The following TENM2 variants were observed in gnomAD, a reference collection of about 807,000 sequenced individuals.
The protein encoded by TENM2 is teneurin-2.
A neutral mutation model predicts 245.2 loss-of-function variants in TENM2; 52 were observed. That is an observed-to-expected ratio of 0.21 (90% CI 0.17 to 0.27). The LOEUF (loss-of-function observed/expected upper bound fraction) is 0.27. TENM2 is among the 10% of genes least tolerant of loss of function. TENM2 has a pLI of 1.00. For missense variants in TENM2, 3,046 were observed against 3,666.8 expected (o/e 0.83, Z 4.37); for synonymous variants, 1,363 against 1,438.9 (o/e 0.95, Z 1.19).
chr5:167,924,969 CTGTT>C (rs1269932017), intron 3 of TENM2, among the ~76,000 whole-genome samples: 4 of 152,142 alleles, frequency 2.6e-5, no homozygotes, highest in Admixed American at 1.3e-4. Context: ...TTTTGGAAAA[CTGTT>C]TGACATTCTC....
At chr5:168,086,998 C>G (rs887868893) in intron 7 of TENM2, among the ~76,000 whole-genome samples, 2 of 152,228 alleles carry the variant, frequency 1.3e-5, no homozygotes, top group Non-Finnish European at 2.9e-5. Context: ...TCACTGGCCC[C>G]CAGTCTCCCT....
At position 168,238,185 on chromosome 5, in the gene TENM2, G is replaced by GA. The variant is rs1562320610; in HGVS notation, c.5521-6235_5521-6234insA. 3.2e-3 allele frequency among the ~76,000 whole-genome samples: 135 copies of GA among 42,218 alleles called. 15 individuals carry two copies. In the African/African-American group the frequency reaches 0.048, roughly 15 times the overall value. The allele number at this position is 42,218 out of a possible 152,430, so 27.7% of individuals were successfully genotyped here. On this transcript the variant is annotated intron_variant, in intron 25 of 28. Transcript: ENST00000518659. ...AGAGAGAGAGAGAGAGAGAGAGAGA[G>GA]GGAGGGAGGGAGGGAGGGAGGGAGG...
chr5:168,023,352 G>A (rs992582895), intron 5 of TENM2, among the ~76,000 whole-genome samples: 5 of 152,166 alleles, frequency 3.3e-5, no homozygotes, highest in South Asian at 2.1e-4. Context: ...TTTCCAGGCC[G>A]CGGACTAGCA....
At chr5:167,448,581 T>C (rs1319469800) in intron 2 of TENM2, among the ~76,000 whole-genome samples, 1 of 150,500 alleles carries the variant, frequency 6.6e-6, no homozygotes, top group Non-Finnish European at 1.5e-5. Flanking sequence ...TTCAGCTTTT[T>C]GTTAGATAAA....
chr5:167,291,141 T>C (rs1561839667), intron 1 of TENM2, among the ~76,000 whole-genome samples: 1 of 152,324 alleles, frequency 6.6e-6, no homozygotes, highest in African/African-American at 2.4e-5. Flanking sequence ...TATTTAACTT[T>C]CTTTGAATTA....
the TENM2 span, among the ~76,000 whole-genome samples, chr5:167,234,011 G>C: frequency 1.0e-4 from 15 of 146,582 alleles, no homozygotes; most frequent in South Asian, 3.2e-3. Flanking sequence ...ACAATGCCCA[G>C]ATGCTTTCCA....
chr5:167,027,538 G>A, the TENM2 span, among the ~76,000 whole-genome samples: 5 of 152,042 alleles, frequency 3.3e-5, no homozygotes, highest in East Asian at 7.7e-4. Context: ...GGAAAATTTG[G>A]AAAATTATGC....
chr5:167,908,683 C>CA (rs900594205), intron 3 of TENM2, among the ~76,000 whole-genome samples: 2 of 141,248 alleles, frequency 1.4e-5, no homozygotes, highest in Non-Finnish European at 3.0e-5. Flanking sequence ...CTTTTTCTCT[C>CA]TCCCTCTCTG....
intron 1 of TENM2, among the ~76,000 whole-genome samples, chr5:167,349,933 A>G (rs551774746): frequency 6.6e-6 from 1 of 152,382 alleles, no homozygotes; most frequent in Admixed American, 6.5e-5. Flanking sequence ...ATTTATGTCC[A>G]GCTGAATATT....
At chr5:167,142,288 G>A in the TENM2 span, among the ~76,000 whole-genome samples, 2 of 152,014 alleles carry the variant, frequency 1.3e-5, no homozygotes, top group Admixed American at 6.6e-5. Context: ...CCTGCCCAGA[G>A]ACCTAGACCT....
At chr5:167,558,881 GA>G (rs112300996) in intron 2 of TENM2, among the ~76,000 whole-genome samples, 379 of 128,270 alleles carry the variant, frequency 3.0e-3, no homozygotes, top group Middle Eastern at 0.012. Context: ...TGGTCCAAGG[GA>G]AAAAAAAAAA....
At chr5:168,045,010 A>G (rs1788495521) in intron 5 of TENM2, among the ~76,000 whole-genome samples, 1 of 151,844 alleles carries the variant, frequency 6.6e-6, no homozygotes, top group Non-Finnish European at 1.5e-5. Flanking sequence ...CCCCAGATAT[A>G]ATTCTCACTT....
chr5:167,257,535 A>G, the TENM2 span, among the ~76,000 whole-genome samples: 1 of 152,084 alleles, frequency 6.6e-6, no homozygotes, highest in Admixed American at 6.6e-5. Flanking sequence ...AATAAGATGA[A>G]CCTAATATTT....
chr5:167,870,900 A>T (rs1772775140), intron 2 of TENM2, among the ~76,000 whole-genome samples: 1 of 151,962 alleles, frequency 6.6e-6, no homozygotes, highest in Non-Finnish European at 1.5e-5. Context: ...GCTTGCCATT[A>T]ATCTGTTGAA....
At chr5:168,149,980 T>C (rs888879463) in intron 12 of TENM2, among the ~76,000 whole-genome samples, 1 of 152,290 alleles carries the variant, frequency 6.6e-6, no homozygotes, top group Non-Finnish European at 1.5e-5. Context: ...AAACAACTTA[T>C]CATCAGGGGC....
chr5:167,836,877 A>G (rs1341132204), intron 2 of TENM2, among the ~76,000 whole-genome samples: 1 of 152,222 alleles, frequency 6.6e-6, no homozygotes, highest in African/African-American at 2.4e-5. Flanking sequence ...ACTACTTTGC[A>G]TACTTTGATC....
At chr5:168,027,000 A>G (rs78131696) in intron 5 of TENM2, among the ~76,000 whole-genome samples, 1,595 of 152,298 alleles carry the variant, frequency 0.01, 29 homozygotes, top group Middle Eastern at 0.041. Flanking sequence ...GAATGGGACC[A>G]TGTCAGCAAG....
the TENM2 span, among the ~76,000 whole-genome samples, chr5:167,158,057 T>A: frequency 6.6e-6 from 1 of 152,206 alleles, no homozygotes; most frequent in Non-Finnish European, 1.5e-5. Context: ...TTTGAAAATC[T>A]GTATCATGGC....
intron 2 of TENM2, among the ~76,000 whole-genome samples, chr5:167,559,670 CAG>C (rs1773465978): frequency 6.6e-6 from 1 of 152,082 alleles, no homozygotes; most frequent in African/African-American, 2.4e-5. Flanking sequence ...ATTCATATCT[CAG>C]TGCCTGTAGG....
Sources: gnomAD v4.1 joint callset for allele counts (sites outside exome capture counted in the v4.1 genomes callset) on GRCh38, gnomAD v4.1.1 for gene constraint, MANE v1.5 for transcripts, NCBI Gene and HGNC (gene_info 2026-07-23, HGNC 2026-07-21) for gene names.